Variants in KPNA3 observed in about 807,000 individuals in gnomAD.
The protein encoded by KPNA3 is karyopherin subunit alpha 3, also known as importin subunit alpha-4.
In KPNA3, 13 loss-of-function variants were observed where a neutral mutation model predicts 73.8. The ratio of observed to expected loss-of-function variants is 0.18; its 90% CI spans 0.11 to 0.28. The LOEUF (loss-of-function observed/expected upper bound fraction) is 0.28. KPNA3 is among the 10% of genes least tolerant of loss of function. KPNA3 has a pLI of 1.00. For synonymous variants in KPNA3, 186 were observed against 206.9 expected (o/e 0.90, Z 0.87); for missense variants, 360 against 618.1 (o/e 0.58, Z 4.43).
In KPNA3 at chr13:49,746,939, T is replaced by C; in HGVS notation, c.114+10A>G. On this transcript the variant is annotated intron_variant, in intron 2 of 16. Transcript: ENST00000261667. Reference sequence around the variant, plus strand: ...CTAATTACTTTTCTTTAAATGTAAATCAACCTTACCTTCCGCAGTTCCACT... The same window carrying C: ...CTAATTACTTTTCTTTAAATGTAAACCAACCTTACCTTCCGCAGTTCCACT... The C allele has an allele frequency of 6.3e-7, 1 of 1,597,076 alleles. No individual in the cohort carries two copies. The highest frequency in any genetic ancestry group is 8.6e-7 in the Non-Finnish European group (1 of 1,165,414).
At chr13:49,751,443 A>G (rs191858209) in intron 1 of KPNA3, among the ~76,000 whole-genome samples, 91 of 152,318 alleles carry the variant, frequency 6.0e-4, no homozygotes, top group African/African-American at 2.0e-3. Flanking sequence ...GTCTCCTTCC[A>G]TGCACTGAAT....
Position 49,790,415 on chromosome 13 carries a change from C to T in KPNA3, c.69+2023G>A, listed in dbSNP as rs888078746. 5.8e-4 allele frequency among the ~76,000 whole-genome samples: 89 copies of T among 152,198 alleles called. 1 individual carries two copies. The highest frequency in any genetic ancestry group is 1.7e-3 in the African/African-American group (72 of 41,454). ...CTAGAAGTTTGAGCTTGCAGCTGAGCTATGAGTGCCTGAGCACTCCAACTT... is the reference window on the plus strand; with the variant it reads ...CTAGAAGTTTGAGCTTGCAGCTGAGTTATGAGTGCCTGAGCACTCCAACTT... On this transcript the variant is annotated intron_variant, in intron 1 of 16. Transcript: ENST00000261667.
chr13:49,738,752 C>T (rs1954547221), intron 2 of KPNA3, among the ~76,000 whole-genome samples: 4 of 152,212 alleles, frequency 2.6e-5, no homozygotes, highest in Admixed American at 6.5e-5. Flanking sequence ...GGATGTTCTA[C>T]ATAGATAATC....
intron 1 of KPNA3, among the ~76,000 whole-genome samples, chr13:49,792,077 C>T (rs894432283): frequency 6.6e-6 from 1 of 152,144 alleles, no homozygotes; most frequent in African/African-American, 2.4e-5. Context: ...CGGCCGCCCC[C>T]TCGGCTGTGC....
rs11315833 is a variant in KPNA3, at chr13:49,774,073, A to ATT, written c.69+18363_69+18364dup. On this transcript the variant is annotated intron_variant, in intron 1 of 16. Transcript: ENST00000261667. ...GGTGTGTGCCACTAAACCCAGGCTA[A>ATT]TTTTTTTTTTTTTAAGGGATGGGGT... Among the ~76,000 whole-genome samples, 1,360 of 146,238 alleles carry ATT rather than the reference A, an allele frequency of 9.3e-3. 15 individuals carry two copies. Among genetic ancestry groups the ATT allele is most frequent in the Middle Eastern group, 0.042 (12 of 288 alleles).
rs1594463615 is a variant in KPNA3 at position 49,781,035 on chromosome 13, C to T, written c.69+11403G>A. Among the ~76,000 whole-genome samples, 4 of 152,220 alleles carry T rather than the reference C, an allele frequency of 2.6e-5. No individual in the cohort carries two copies. In the South Asian group the frequency reaches 8.3e-4, roughly 32 times the overall value. ...CCGCGTCCAGCCAGAAATACTGTTACTTTAGTTCCCCAGAATCTATCACAC... is the reference window on the plus strand; with the variant it reads ...CCGCGTCCAGCCAGAAATACTGTTATTTTAGTTCCCCAGAATCTATCACAC... On this transcript the variant is annotated intron_variant, in intron 1 of 16. Transcript: ENST00000261667.
At chr13:49,717,052 A>C (rs537569634) in intron 10 of KPNA3, among the ~76,000 whole-genome samples, 1 of 152,118 alleles carries the variant, frequency 6.6e-6, no homozygotes, top group Non-Finnish European at 1.5e-5. Context: ...GTAATAGTCC[A>C]TGCCTTCATC....
chr13:49,765,395 A>AT (rs1367911017), intron 1 of KPNA3, among the ~76,000 whole-genome samples: 6 of 152,180 alleles, frequency 3.9e-5, no homozygotes, highest in African/African-American at 1.4e-4. Flanking sequence ...CTTTTTTGTC[A>AT]TAACAGCTTT....
Position 49,721,546 on chromosome 13 carries a change from G to A in KPNA3, c.726+409C>T, listed in dbSNP as rs184886802. On this transcript the variant is annotated intron_variant, in intron 9 of 16. Transcript: ENST00000261667. ...TAAAATCTTACACCTGTGGCTGGGC[G>A]TGGTGGCTCAGGCCTGTCATCCCAG... Among the ~76,000 whole-genome samples the A allele has an allele frequency of 1.6e-4, 24 of 152,282 alleles. 1 individual carries two copies. The East Asian group carries it at 2.5e-3, about 16-fold the overall frequency.
chr13:49,747,096 C>T, intron 1 of KPNA3, 103 bp from the exon 2 acceptor site: 1 of 778,574 alleles, frequency 1.3e-6, no homozygotes. Context: ...AATCCTAGCA[C>T]TTTGGGAGGC....
intron 6 of KPNA3, among the ~76,000 whole-genome samples, chr13:49,729,263 A>C (rs1455786704): frequency 2.0e-5 from 3 of 152,188 alleles, no homozygotes; most frequent in Admixed American, 6.5e-5. Flanking sequence ...AGTAAAAAAA[A>C]CAGTAAGATC....
chr13:49,748,903 A>G (rs553961790), intron 1 of KPNA3, among the ~76,000 whole-genome samples: 19 of 152,292 alleles, frequency 1.2e-4, no homozygotes, highest in African/African-American at 4.1e-4. Context: ...TCAAATACCA[A>G]CATTAATGAA....
intron 12 of KPNA3, among the ~76,000 whole-genome samples, chr13:49,706,851 C>T (rs927435042): frequency 6.6e-6 from 1 of 152,038 alleles, no homozygotes; most frequent in Non-Finnish European, 1.5e-5. Flanking sequence ...CGGGTTCACG[C>T]CATTCTCCTG....
chr13:49,707,257 T>A (rs751933648), intron 12 of KPNA3, among the ~76,000 whole-genome samples: 10 of 152,206 alleles, frequency 6.6e-5, no homozygotes, highest in Non-Finnish European at 1.3e-4. Flanking sequence ...TGTGAGCTGT[T>A]TACAGGTTAG....
chr13:49,780,719 C>CT (rs11352434), intron 1 of KPNA3, among the ~76,000 whole-genome samples: 58 of 130,468 alleles, frequency 4.4e-4, no homozygotes, highest in African/African-American at 9.5e-4. Flanking sequence ...AAAAATATTT[C>CT]TTTTTTTTTT....
At chr13:49,755,230 C>T (rs936337200) in intron 1 of KPNA3, among the ~76,000 whole-genome samples, 1 of 152,044 alleles carries the variant, frequency 6.6e-6, no homozygotes, top group Admixed American at 6.5e-5. Context: ...ATAAACCATA[C>T]TAATAGACTA....
chr13:49,791,860 C>A (rs1253867293), intron 1 of KPNA3, among the ~76,000 whole-genome samples: 1 of 152,248 alleles, frequency 6.6e-6, no homozygotes, highest in Non-Finnish European at 1.5e-5. Context: ...CCTGGCGCAT[C>A]CTACCCTCCC....
Position 49,705,662 on chromosome 13 carries a change from T to C in KPNA3, c.1331A>G (p.Asp444Gly). The change falls in exon 15 of 17, where the codon GAT (aspartate) becomes GGT (glycine). Residue 444 changes from aspartate (D) to glycine (G), a missense_variant. By Grantham distance (94) the Asp-to-Gly change is moderately conservative. Around this residue, in one of 3 missense-constraint regions of KPNA3, gnomAD observed 287 missense variants for 549.1 expected, o/e 0.52. Transcript: ENST00000261667. Reference sequence around the variant, plus strand: ...TATTTCAGCTATTGTGCTTGCTTCATCACCGGCCATTATCAGAATGTTTTT... The same window carrying C: ...TATTTCAGCTATTGTGCTTGCTTCACCACCGGCCATTATCAGAATGTTTTT... ...GLKNILIMAG[D>G]EASTIAEIIE... The C allele has an allele frequency of 6.2e-7, 1 of 1,614,134 alleles. No individual in the cohort carries two copies. The highest frequency in any genetic ancestry group is 8.5e-7 in the Non-Finnish European group (1 of 1,180,026).
At position 49,780,724 on chromosome 13, in the gene KPNA3, T is replaced by C. The variant is rs1382467967; in HGVS notation, c.69+11714A>G. Among the ~76,000 whole-genome samples the C allele has an allele frequency of 2.6e-4, 39 of 151,230 alleles. No homozygotes were observed. In the East Asian group the frequency reaches 7.0e-3, roughly 27 times the overall value. The stretch of plus-strand genomic sequence containing the variant: ...CTGAATATTGAAAAATATTTCTTTT[T>C]TTTTTTTTTTTTTTAAGATGGAGTC... On this transcript the variant is annotated intron_variant, in intron 1 of 16. Transcript: ENST00000261667.
Sources: allele counts gnomAD v4.1 joint callset (sites outside exome capture counted in the v4.1 genomes callset), GRCh38; gene constraint gnomAD v4.1.1; regional missense constraint gnomAD v4.1.1; transcripts MANE v1.5; gene names NCBI Gene and HGNC (gene_info 2026-07-23, HGNC 2026-07-21).